NEXMIF: variants seen among roughly 807,000 people sequenced by gnomAD.
The protein encoded by NEXMIF is neurite extension and migration factor.
A neutral mutation model predicts 62.1 loss-of-function variants in NEXMIF; 8 were observed. That is an observed-to-expected ratio of 0.13 (90% CI 0.08 to 0.23). NEXMIF has a LOEUF of 0.23. Ranked by LOEUF, NEXMIF falls within the 10% of genes least tolerant of loss-of-function variation. NEXMIF has a pLI of 1.00. For missense variants in NEXMIF, 976 were observed against 1,113.3 expected (o/e 0.88, Z 1.75); for synonymous variants, 404 against 416.6 (o/e 0.97, Z 0.37).
intron 1 of NEXMIF, among the ~76,000 whole-genome samples, chrX:74,773,214 G>T (rs1221824715): frequency 8.9e-6 from 1 of 111,784 alleles, no homozygotes; most frequent in Non-Finnish European, 1.9e-5. Context: ...TCCACAATAT[G>T]GGAAGGAAAG....
At chrX:74,805,374 G>A (rs977321897) in intron 1 of NEXMIF, among the ~76,000 whole-genome samples, 4 of 111,676 alleles carry the variant, frequency 3.6e-5, no homozygotes, top group African/African-American at 1.3e-4. Context: ...TGCTTTTTGC[G>A]TGTTGATTTA....
intron 1 of NEXMIF, among the ~76,000 whole-genome samples, chrX:74,841,859 C>T (rs1056743143): frequency 5.4e-5 from 6 of 111,337 alleles, no homozygotes; most frequent in Non-Finnish European, 9.4e-5. Flanking sequence ...TAGCTTTTGA[C>T]GTGCTGCTGG....
intron 1 of NEXMIF, among the ~76,000 whole-genome samples, chrX:74,891,035 A>C (rs1417725209): frequency 2.7e-5 from 3 of 112,044 alleles, no homozygotes; most frequent in African/African-American, 9.7e-5. Flanking sequence ...TGGAGAGGAG[A>C]AAAGGGAGCG....
chrX:74,873,145 C>G (rs1348819129), intron 1 of NEXMIF, among the ~76,000 whole-genome samples: 1 of 110,198 alleles, frequency 9.1e-6, no homozygotes, highest in African/African-American at 3.3e-5. Context: ...CCCCCATCCC[C>G]CAACCCCACA....
At chrX:74,757,727 T>C (rs1351267929) in intron 1 of NEXMIF, among the ~76,000 whole-genome samples, 1 of 111,639 alleles carries the variant, frequency 9.0e-6, no homozygotes, top group Non-Finnish European at 1.9e-5. Context: ...CTTTTGCTTG[T>C]TTCTGACTCT....
intron 1 of NEXMIF, among the ~76,000 whole-genome samples, chrX:74,877,868 T>C (rs942914642): frequency 5.4e-5 from 6 of 111,835 alleles, no homozygotes; most frequent in African/African-American, 2.0e-4. Flanking sequence ...TTCTCTGTAT[T>C]GGTTATTCTA....
intron 1 of NEXMIF, among the ~76,000 whole-genome samples, chrX:74,878,317 G>A (rs914936508): frequency 5.4e-5 from 6 of 112,032 alleles, no homozygotes; most frequent in Admixed American, 1.9e-4. Context: ...CAGGGGTCAG[G>A]GACCCACTTG....
At chrX:74,786,421 G>T (rs749611768) in intron 1 of NEXMIF, among the ~76,000 whole-genome samples, 1 of 111,355 alleles carries the variant, frequency 9.0e-6, no homozygotes, top group Non-Finnish European at 1.9e-5. Flanking sequence ...ACCAAGATTG[G>T]TTTTTATCAT....
At chrX:74,876,072 T>A (rs2080631460) in intron 1 of NEXMIF, among the ~76,000 whole-genome samples, 1 of 109,475 alleles carries the variant, frequency 9.1e-6, no homozygotes, top group South Asian at 3.8e-4. Flanking sequence ...TTCTAGTTCC[T>A]TTGTGATGTT....
intron 1 of NEXMIF, among the ~76,000 whole-genome samples, chrX:74,818,642 G>T (rs1322633529): frequency 8.9e-6 from 1 of 112,034 alleles, no homozygotes; most frequent in African/African-American, 3.2e-5. Context: ...TTTCTGCACA[G>T]CAAAAGAAAC....
At chrX:74,872,289 T>A (rs2080604596) in intron 1 of NEXMIF, among the ~76,000 whole-genome samples, 1 of 111,001 alleles carries the variant, frequency 9.0e-6, no homozygotes. Context: ...TGGATGGAAC[T>A]GGAGGTCATT....
At chrX:74,807,618 A>G (rs1426331080) in intron 1 of NEXMIF, among the ~76,000 whole-genome samples, 2 of 111,390 alleles carry the variant, frequency 1.8e-5, no homozygotes, top group Non-Finnish European at 3.8e-5. Flanking sequence ...ACGTGCCACC[A>G]CACCCAGCTA....
chrX:74,864,411 C>A (rs1364900555), intron 1 of NEXMIF, among the ~76,000 whole-genome samples: 1 of 112,181 alleles, frequency 8.9e-6, no homozygotes, highest in African/African-American at 3.2e-5. Flanking sequence ...TGTCCCCACC[C>A]AAACCACATC....
intron 1 of NEXMIF, among the ~76,000 whole-genome samples, chrX:74,898,933 C>T (rs1211944179): frequency 1.8e-5 from 2 of 111,346 alleles, no homozygotes; most frequent in African/African-American, 6.5e-5. Context: ...AGAAGAAAGA[C>T]TTGTACACAG....
intron 1 of NEXMIF, among the ~76,000 whole-genome samples, chrX:74,905,488 T>C (rs1427708204): frequency 8.9e-6 from 1 of 112,509 alleles, no homozygotes; most frequent in Non-Finnish European, 1.9e-5. Flanking sequence ...TTATTCCTAG[T>C]CTTTTCAATA....
At chrX:74,868,805 G>GA (rs932814485) in intron 1 of NEXMIF, among the ~76,000 whole-genome samples, 1 of 109,537 alleles carries the variant, frequency 9.1e-6, no homozygotes, top group Admixed American at 9.8e-5. Flanking sequence ...ATTAAAATTA[G>GA]AAAAAAAAGT....
In NEXMIF at chrX:74,855,057, G is replaced by GA. The variant is rs774485682; in HGVS notation, c.-48+69825dup. ...ATCAATGTCATTTTTCACAGAAATGGAAAAAAAACCCTAAAATTTATATGG... is the reference window on the plus strand; with the variant it reads ...ATCAATGTCATTTTTCACAGAAATGGAAAAAAAAACCCTAAAATTTATATGG... On this transcript the variant is annotated intron_variant, in intron 1 of 3. Transcript: ENST00000055682. 5.0e-3 allele frequency among the ~76,000 whole-genome samples: 551 copies of GA among 110,340 alleles called. 1 individual carries two copies. The highest frequency in any genetic ancestry group is 0.015 in the African/African-American group (460 of 30,385).
At chrX:74,808,362 C>T (rs765789927) in intron 1 of NEXMIF, among the ~76,000 whole-genome samples, 1 of 111,640 alleles carries the variant, frequency 9.0e-6, no homozygotes, top group South Asian at 3.8e-4. Flanking sequence ...CAAGATTGCA[C>T]CACTGCACTC....
chrX:74,773,866 C>T (rs1195431599), intron 1 of NEXMIF, among the ~76,000 whole-genome samples: 1 of 94,856 alleles, frequency 1.1e-5, no homozygotes, highest in East Asian at 3.9e-4. Context: ...CTGAGATTGC[C>T]CCACTGCACT....
Sources: gnomAD v4.1 joint callset for allele counts (sites outside exome capture counted in the v4.1 genomes callset) on GRCh38, gnomAD v4.1.1 for gene constraint, MANE v1.5 for transcripts, NCBI Gene and HGNC (gene_info 2026-07-23, HGNC 2026-07-21) for gene names.